Variants in PTPN21 observed in about 807,000 individuals in gnomAD.
PTPN21 encodes the protein protein tyrosine phosphatase non-receptor type 21, also known as tyrosine-protein phosphatase non-receptor type 21.
Under a neutral mutation model 131.8 loss-of-function variants are expected in PTPN21, and 77 were observed. The ratio of observed to expected loss-of-function variants is 0.58; its 90% CI spans 0.49 to 0.71. The LOEUF (loss-of-function observed/expected upper bound fraction) is 0.71, where lower values mean the gene tolerates loss of function less well. Among genes scored for constraint, PTPN21 ranks in the 30% least tolerant of loss-of-function variants. The pLI is 0.00. For synonymous variants in PTPN21, 715 were observed against 621.3 expected (o/e 1.15, Z -2.24); for missense variants, 1,552 against 1,527.1 (o/e 1.02, Z -0.27).
rs1176695439 is a variant in PTPN21, at chr14:88,480,079, T to C, written c.1352A>G (p.Tyr451Cys). The C allele has an allele frequency of 5.6e-6, 9 of 1,613,990 alleles. No individual in the cohort carries two copies. Among genetic ancestry groups the C allele is most frequent in the African/African-American group, 1.3e-5 (1 of 74,908 alleles). The change falls in exon 13 of 19, where the codon TAT becomes TGT. Residue 451 changes from tyrosine to cysteine, a missense_variant. Tyr to Cys is a radical substitution (Grantham distance 194). Coordinates refer to ENST00000556564, the MANE Select transcript of PTPN21 (RefSeq NM_007039.4). ...IPPSYRPTPD[Y>C]ETVMKQLNRG... ...GTTGAGCTGCTTCATCACAGTCTCATAGTCTGGGGTGGGGCGGTAGGACGG... is the reference window on the plus strand; with the variant it reads ...GTTGAGCTGCTTCATCACAGTCTCACAGTCTGGGGTGGGGCGGTAGGACGG...
rs1259527412 is a variant in PTPN21, at chr14:88,479,257, G to A, written c.2174C>T (p.Ala725Val). ...EDEDFEEESG[A>V]RAPPARAREP... is the part of the protein sequence containing the mutation. Reference sequence around the variant, plus strand: ...GCGCGCACGTGCAGGAGGCGCCCGGGCCCCGCTCTCCTCCTCGAAGTCCTC... The same window carrying A: ...GCGCGCACGTGCAGGAGGCGCCCGGACCCCGCTCTCCTCCTCGAAGTCCTC... Residue 725 changes from alanine (A) to valine (V), a missense_variant, in exon 13 of 19, where the codon GCC (alanine) becomes GTC (valine). Around this residue, in one of 4 missense-constraint regions of PTPN21, gnomAD observed 1,016 missense variants for 883.5 expected, o/e 1.15. Coordinates refer to ENST00000556564, the MANE Select transcript of PTPN21 (RefSeq NM_007039.4). 2 of 1,611,918 alleles carry A rather than the reference G, an allele frequency of 1.2e-6. No homozygotes were observed. The highest frequency in any genetic ancestry group is 1.7e-5 in the Admixed American group (1 of 59,834).
chr14:88,550,612 CGCCA>C lies in PTPN21; in HGVS notation c.-199_-196del, dbSNP rs529055383. The C allele has an allele frequency of 3.3e-4, 183 of 549,952 alleles. 1 individual carries two copies. In the East Asian group the frequency reaches 5.3e-3, roughly 16 times the overall value. The allele number at this position is 549,952 out of a possible 1,614,324, so 34.1% of individuals were successfully genotyped here. A position where few individuals can be genotyped will look rare whatever the true frequency, so the allele number is the denominator to read the frequency against. On this transcript the variant is annotated 5_prime_UTR_variant, in exon 2 of 19. The change abolishes the stop of an existing upstream ORF in the 5' untranslated region. Coordinates refer to ENST00000556564, the MANE Select transcript of PTPN21 (RefSeq NM_007039.4). ...AATGGCCCGAGGAAGGGAGCATTGACGCCAGCGCTGGGGAAAGAGGAACGCCGTT... is the reference window on the plus strand; with the variant it reads ...AATGGCCCGAGGAAGGGAGCATTGACGCGCTGGGGAAAGAGGAACGCCGTT...
chr14:88,516,947 T>G (rs1237144418), intron 3 of PTPN21, 145 bp downstream of exon 3: 1 of 854,456 alleles, frequency 1.2e-6, no homozygotes, highest in Non-Finnish European at 1.8e-6. Flanking sequence ...ACATGCCACA[T>G]ATGAGAATCT....
intron 13 of PTPN21, among the ~76,000 whole-genome samples, chr14:88,478,493 CTT>C (rs1254652373): frequency 6.6e-6 from 1 of 152,166 alleles, no homozygotes; most frequent in Non-Finnish European, 1.5e-5. Context: ...TTCCTGGATG[CTT>C]TTTTCAGATA....
chr14:88,477,446 T>TAAAAAA (rs59381948), intron 13 of PTPN21, among the ~76,000 whole-genome samples: 21 of 76,330 alleles, frequency 2.8e-4, no homozygotes, highest in South Asian at 1.4e-3. Context: ...AAGACTGTTC[T>TAAAAAA]AAAAAAAAAA....
chr14:88,501,003 A>G, intron 7 of PTPN21, 132 bp from the exon 8 acceptor site: 1 of 691,548 alleles, frequency 1.4e-6, no homozygotes, highest in Non-Finnish European at 2.5e-6. Context: ...AGGAAGACAA[A>G]AGTCTGAATG....
chr14:88,476,471 A>G (rs555894939), intron 13 of PTPN21, among the ~76,000 whole-genome samples: 1 of 152,210 alleles, frequency 6.6e-6, no homozygotes. Flanking sequence ...CTCTTTTACA[A>G]GGTAATCAGT....
At chr14:88,505,551 A>G (rs1001054738) in intron 4 of PTPN21, among the ~76,000 whole-genome samples, 180 bp from the exon 5 acceptor site, 8 of 152,232 alleles carry the variant, frequency 5.3e-5, no homozygotes, top group African/African-American at 1.9e-4. Context: ...TTAGGCAGAT[A>G]TGAGTCTTGG....
chr14:88,507,821 C>T, intron 4 of PTPN21, 102 bp downstream of exon 4: 1 of 612,720 alleles, frequency 1.6e-6, no homozygotes, highest in Non-Finnish European at 2.6e-6. Flanking sequence ...ATAAACACTA[C>T]TAAAGATGTA....
At chr14:88,500,041 A>G (rs759780643) in intron 8 of PTPN21, among the ~76,000 whole-genome samples, 1 of 152,208 alleles carries the variant, frequency 6.6e-6, no homozygotes, top group Non-Finnish European at 1.5e-5. Flanking sequence ...AGCAAAAAAA[A>G]CCAACATTAT....
rs934146211 is a variant in PTPN21 at position 88,550,487 on chromosome 14, G to A, written c.-70C>T. ...CCCCCACCAACCCAGCGCTGGTGAC[G>A]CCAGGAGAAAGCGATCCTCTCCGGA... On this transcript the variant is annotated 5_prime_UTR_variant, in exon 2 of 19. Transcript: ENST00000556564. The A allele has an allele frequency of 8.6e-5, 125 of 1,450,682 alleles. No homozygotes were observed. The highest frequency in any genetic ancestry group is 1.1e-4 in the Non-Finnish European group (117 of 1,057,368). 89.9% of individuals were successfully genotyped at this position (1,450,682 alleles called of 1,614,324 possible).
rs763756368 is a variant in PTPN21 at position 88,518,273 on chromosome 14, T to TATATATACAC, written c.181-1013_181-1012insGTGTATATAT. On this transcript the variant is annotated intron_variant, in intron 2 of 18. Transcript: ENST00000556564. The stretch of plus-strand genomic sequence containing the variant: ...AAAAAAAAATATATATATATATATA[T>TATATATACAC]ACACACACACATACGCACACACACA... Among the ~76,000 whole-genome samples the TATATATACAC allele has an allele frequency of 7.9e-4, 54 of 68,216 alleles. 2 individuals carry two copies. The highest frequency in any genetic ancestry group is 3.5e-3 in the African/African-American group (49 of 13,820). The allele number at this position is 68,216 out of a possible 152,430, so 44.8% of individuals were successfully genotyped here. A position where few individuals can be genotyped will look rare whatever the true frequency, so the allele number is the denominator to read the frequency against.
chr14:88,496,594 C>A, intron 9 of PTPN21, 102 bp from the exon 10 acceptor site: 1 of 886,094 alleles, frequency 1.1e-6, no homozygotes, highest in Non-Finnish European at 1.9e-6. Context: ...CATCATATGA[C>A]AAAGTCACTT....
chr14:88,548,794 C>T (rs1164757209), intron 2 of PTPN21, among the ~76,000 whole-genome samples: 1 of 152,188 alleles, frequency 6.6e-6, no homozygotes, highest in African/African-American at 2.4e-5. Flanking sequence ...CCTTTCTTCA[C>T]AGGCCTTGCA....
chr14:88,482,642 T>A (rs2077669334), intron 12 of PTPN21, among the ~76,000 whole-genome samples: 1 of 149,738 alleles, frequency 6.7e-6, no homozygotes, highest in African/African-American at 2.5e-5. Flanking sequence ...AGAAAAGAAA[T>A]GTTAAATGTA....
Position 88,517,712 on chromosome 14 carries a change from GTGTGTA to G in PTPN21, c.181-457_181-452del, listed in dbSNP as rs1370031290. Among the ~76,000 whole-genome samples, 274 of 131,346 alleles carry G rather than the reference GTGTGTA, an allele frequency of 2.1e-3. 3 individuals carry two copies. The highest frequency in any genetic ancestry group is 7.6e-3 in the African/African-American group (264 of 34,816). 86.2% of individuals were successfully genotyped at this position (131,346 alleles called of 152,430 possible). A position where few individuals can be genotyped will look rare whatever the true frequency, so the allele number is the denominator to read the frequency against. ...CATATGTGTGCGTATGTGTATATAT[GTGTGTA>G]TGTGTATATATACTATATATACACG... is the stretch of plus-strand genomic sequence containing the variant. On this transcript the variant is annotated intron_variant, in intron 2 of 18. Transcript: ENST00000556564.
intron 10 of PTPN21, among the ~76,000 whole-genome samples, chr14:88,488,668 G>C (rs986956216): frequency 6.6e-6 from 1 of 152,050 alleles, no homozygotes; most frequent in Non-Finnish European, 1.5e-5. Context: ...TAAAAAGGCT[G>C]AGCCAGGCGT....
At chr14:88,550,814 A>G (rs2078855462) in intron 1 of PTPN21, among the ~76,000 whole-genome samples, 195 bp from the exon 2 acceptor site, 2 of 152,188 alleles carry the variant, frequency 1.3e-5, no homozygotes, top group Admixed American at 6.5e-5. Context: ...TCCACCCTTC[A>G]CTGTATCCTA....
Position 88,485,791 on chromosome 14 carries a change from C to G in PTPN21, c.984G>C (p.Arg328Ser), listed in dbSNP as rs575043124. The change falls in exon 11 of 19, where the codon AGG (arginine) becomes AGC (serine). Residue 328 changes from arginine to serine, a missense_variant. Physicochemically the swap from Arg to Ser is moderately radical, Grantham distance 110. Coordinates refer to ENST00000556564, the MANE Select transcript of PTPN21 (RefSeq NM_007039.4). ...TTTCCTTGTTTCTTACCAGAGACATCCTTGAAGAAGACCTCCTCCTGATTG... is the reference window on the plus strand; with the variant it reads ...TTTCCTTGTTTCTTACCAGAGACATGCTTGAAGAAGACCTCCTCCTGATTG... Reference protein sequence around the residue: ...VNPIRRRSSSRMSLPKPQPYV... With the variant: ...VNPIRRRSSSSMSLPKPQPYV... The G allele has an allele frequency of 9.3e-6, 15 of 1,604,750 alleles. No individual in the cohort carries two copies. The highest frequency in any genetic ancestry group is 6.7e-5 in the East Asian group (3 of 44,818).
Sources: allele counts gnomAD v4.1 joint callset (sites outside exome capture counted in the v4.1 genomes callset), GRCh38; gene constraint gnomAD v4.1.1; regional missense constraint gnomAD v4.1.1; transcripts MANE v1.5; gene names NCBI Gene and HGNC (gene_info 2026-07-23, HGNC 2026-07-21).